The following RFX6 variants were observed in gnomAD, a reference collection of about 807,000 sequenced individuals.
RFX6 encodes the protein DNA-binding protein RFX6.
RFX6 carries 50 observed loss-of-function variants against 110.8 expected under a neutral mutation model. The ratio of observed to expected loss-of-function variants is 0.45; its 90% confidence interval spans 0.36 to 0.57. The LOEUF is 0.57. RFX6 is among the 20% of genes least tolerant of loss of function. RFX6 has a pLI of 0.00. For synonymous variants in RFX6, 383 were observed against 411.2 expected (o/e 0.93, Z 0.83); for missense variants, 990 against 1,127.0 (o/e 0.88, Z 1.74).
rs1358403934 is a variant in RFX6 at position 116,930,877 on chromosome 6, G to A, written c.2612-454G>A. ...TCCAAGGGTATCGGAAGCCACTATG[G>A]CATTTGAGACGAGTGAAAGTTTGAT... On this transcript the variant is annotated intron_variant, in intron 18 of 18. Transcript: ENST00000332958. 6.6e-5 allele frequency among the ~76,000 whole-genome samples: 10 copies of A among 152,116 alleles called. No homozygotes were observed. The East Asian group carries it at 1.9e-3, about 29-fold the overall frequency.
chr6:116,916,197 C>G lies in RFX6; in HGVS notation c.859-4C>G, dbSNP rs1278609591. ...TCTTAACATACTTTTTACTCTGCAA[C>G]TAGATCCAGCATTTTTTATTACACT... On this transcript the variant is annotated splice_polypyrimidine_tract_variant and splice_region_variant and intron_variant, in intron 8 of 18. Coordinates refer to ENST00000332958, the MANE Select transcript of RFX6 (RefSeq NM_173560.4). 1.2e-6 allele frequency: 2 copies of G among 1,607,710 alleles called. No homozygotes were observed. The highest frequency in any genetic ancestry group is 1.7e-6 in the Non-Finnish European group (2 of 1,174,648).
intron 4 of RFX6, among the ~76,000 whole-genome samples, chr6:116,884,522 C>A (rs1405566914): frequency 6.6e-6 from 1 of 152,050 alleles, no homozygotes; most frequent in African/African-American, 2.4e-5. Context: ...AAAGTTTGAT[C>A]AGTTTAACTG....
At chr6:116,878,465 A>G (rs1350544594) in intron 2 of RFX6, among the ~76,000 whole-genome samples, 2 of 152,180 alleles carry the variant, frequency 1.3e-5, no homozygotes, top group Non-Finnish European at 2.9e-5. Context: ...ACTAACTTAA[A>G]TAGAAGTTCA....
chr6:116,924,837 T>A, intron 15 of RFX6, 46 bp downstream of exon 15: 1 of 1,392,090 alleles, frequency 7.2e-7, no homozygotes, highest in South Asian at 1.2e-5. Context: ...TTTGTTTTAA[T>A]CTTAAGTTCA....
intron 14 of RFX6, among the ~76,000 whole-genome samples, chr6:116,923,785 G>A (rs1731993666): frequency 6.6e-6 from 1 of 152,096 alleles, no homozygotes; most frequent in Admixed American, 6.6e-5. Flanking sequence ...GAGACAAATA[G>A]GGTTAAGTTA....
At chr6:116,917,336 T>G (rs935250385) in intron 9 of RFX6, among the ~76,000 whole-genome samples, 1 of 120,554 alleles carries the variant, frequency 8.3e-6, no homozygotes, top group Non-Finnish European at 1.7e-5. Flanking sequence ...AAGGATTGTC[T>G]TGTTTTTTTT....
chr6:116,926,732 A>G (rs1213851670), intron 16 of RFX6, among the ~76,000 whole-genome samples: 1 of 152,180 alleles, frequency 6.6e-6, no homozygotes, highest in Non-Finnish European at 1.5e-5. Context: ...GGGAAATATG[A>G]GCAGCAGACA....
chr6:116,882,754 G>C (rs575486584), intron 4 of RFX6, among the ~76,000 whole-genome samples: 1 of 152,068 alleles, frequency 6.6e-6, no homozygotes, highest in Non-Finnish European at 1.5e-5. Context: ...CCCAAACCAG[G>C]GGGTAAAGAG....
At position 116,928,941 on chromosome 6, in the gene RFX6, T is replaced by C. The variant is rs769974301; in HGVS notation, c.2581T>C (p.Ser861Pro). The stretch of plus-strand genomic sequence containing the variant: ...CAGCTCGTTTTACACAGACACATCA[T>C]CTCCAGTTGCATGTCGAACTCCAGT... ...QTSSFYTDTS[S>P]PVACRTPVLA... Residue 861 changes from serine to proline, a missense_variant, in exon 18 of 19, where the codon TCT becomes CCT. Ser to Pro is a moderately conservative substitution (Grantham distance 74). Coordinates refer to ENST00000332958, the MANE Select transcript of RFX6 (RefSeq NM_173560.4). 6.2e-7 allele frequency: 1 copy of C among 1,612,554 alleles called. No individual in the cohort carries two copies. Among genetic ancestry groups the C allele is most frequent in the South Asian group, 1.1e-5 (1 of 91,054 alleles).
In RFX6 at chr6:116,928,986, C is replaced by T. The variant is rs758278782; in HGVS notation, c.2611+15C>T. 2.0e-6 allele frequency: 3 copies of T among 1,536,722 alleles called. No individual in the cohort carries two copies. Among genetic ancestry groups the T allele is most frequent in the Non-Finnish European group, 9.0e-7 (1 of 1,109,536 alleles). ...TCCAGTCCTAGGTAAATTATTTTAGCAGTTCTTGAAAACATTTTAAGAAGT... is the reference window on the plus strand; with the variant it reads ...TCCAGTCCTAGGTAAATTATTTTAGTAGTTCTTGAAAACATTTTAAGAAGT... On this transcript the variant is annotated intron_variant, in intron 18 of 18. Transcript: ENST00000332958.
In RFX6 at chr6:116,877,302, C is replaced by T. The variant is rs1246758872; in HGVS notation, c.27C>T (p.Asp9=). MAKVPELE[D]TFLQAQPAPQ... is the part of the protein sequence containing the mutation. ...TGGCCAAGGTCCCGGAGCTGGAAGA[C>T]ACCTTCCTGCAGGCGCAGCCTGCGC... Residue 9 remains aspartate (D), a synonymous_variant, in exon 1 of 19, where the codon GAC becomes GAT. Coordinates refer to ENST00000332958, the MANE Select transcript of RFX6 (RefSeq NM_173560.4). 6.2e-7 allele frequency: 1 copy of T among 1,612,224 alleles called. No individual in the cohort carries two copies. Among genetic ancestry groups the T allele is most frequent in the East Asian group, 2.2e-5 (1 of 44,768 alleles).
intron 14 of RFX6, 167 bp downstream of exon 14, chr6:116,923,391 C>T (rs546097725): frequency 9.7e-6 from 6 of 618,844 alleles, no homozygotes; most frequent in Middle Eastern, 8.9e-4. Flanking sequence ...TGGAGTCAGA[C>T]CATAAGCAGG....
At position 116,927,151 on chromosome 6, in the gene RFX6, A is replaced by C. The variant is rs773068401; in HGVS notation, c.2010A>C (p.Pro670=). ...CAGGGAGGCCCCCAAGTGTGGGCCC[A>C]GTACTGTCAGCTCCATCACACTGCT... The part of the protein sequence containing the change: ...PMAGRPPSVG[P]VLSAPSHCST... Residue 670 remains proline, a synonymous_variant, in exon 17 of 19, where the codon CCA becomes CCC. Transcript: ENST00000332958. The C allele has an allele frequency of 1.1e-5, 18 of 1,614,060 alleles. No individual in the cohort carries two copies. The African/African-American group carries it at 1.9e-4, about 17-fold the overall frequency.
At chr6:116,906,904 C>T (rs1202208860) in intron 6 of RFX6, among the ~76,000 whole-genome samples, 2 of 149,278 alleles carry the variant, frequency 1.3e-5, no homozygotes, top group Non-Finnish European at 3.0e-5. Flanking sequence ...ACTTCTAGTA[C>T]CATGTTGAGT....
chr6:116,923,484 G>T, intron 14 of RFX6: 1 of 473,948 alleles, frequency 2.1e-6, no homozygotes, highest in Non-Finnish European at 3.8e-6. Flanking sequence ...TCGAAGGGTT[G>T]TATAGGTACT....
intron 6 of RFX6, among the ~76,000 whole-genome samples, chr6:116,908,363 A>T (rs1775254221): frequency 6.6e-6 from 1 of 152,162 alleles, no homozygotes; most frequent in Admixed American, 6.5e-5. Flanking sequence ...TTGCTAAAAA[A>T]AACTTTATTG....
chr6:116,919,093 C>A (rs781032130), intron 10 of RFX6, 44 bp from the exon 11 acceptor site: 3 of 1,528,410 alleles, frequency 2.0e-6, no homozygotes, highest in Non-Finnish European at 2.7e-6. Context: ...TTGTTTAATG[C>A]ATTTTTTAAC....
At chr6:116,917,921 G>A in intron 9 of RFX6, 116 bp from the exon 10 acceptor site, 1 of 713,254 alleles carries the variant, frequency 1.4e-6, no homozygotes, top group Non-Finnish European at 2.5e-6. Flanking sequence ...CTTTGAGAAA[G>A]GAGTTAACAT....
At chr6:116,920,791 TAA>T (rs906710680) in intron 12 of RFX6, among the ~76,000 whole-genome samples, 12 of 152,218 alleles carry the variant, frequency 7.9e-5, no homozygotes, top group African/African-American at 1.9e-4. Context: ...TTGAGGAAAA[TAA>T]AAGTCATCTG....
Sources: gnomAD v4.1 joint callset for allele counts (sites outside exome capture counted in the v4.1 genomes callset) on GRCh38, gnomAD v4.1.1 for gene constraint, MANE v1.5 for transcripts, NCBI Gene and HGNC (gene_info 2026-07-23, HGNC 2026-07-21) for gene names.